PTPRN2: variants seen among roughly 807,000 people sequenced by gnomAD.
The protein encoded by PTPRN2 is protein tyrosine phosphatase receptor type N2.
In PTPRN2, 74 loss-of-function variants were observed where a neutral mutation model predicts 118.8. The ratio of observed to expected loss-of-function variants is 0.62; its 90% CI spans 0.52 to 0.76. The LOEUF (loss-of-function observed/expected upper bound fraction) is 0.76. Ranked by LOEUF, PTPRN2 falls within the 30% of genes least tolerant of loss-of-function variation. The pLI, the probability that PTPRN2 is intolerant of heterozygous loss-of-function variation, is 0.00. For synonymous variants in PTPRN2, 641 were observed against 608.0 expected (o/e 1.05, Z -0.80); for missense variants, 1,481 against 1,394.4 (o/e 1.06, Z -0.99).
chr7:157,543,793 G>A (rs532204521), intron 22 of PTPRN2, among the ~76,000 whole-genome samples: 2 of 152,334 alleles, frequency 1.3e-5, no homozygotes, highest in South Asian at 4.1e-4. Flanking sequence ...TCAAAAGGGG[G>A]TGAGGATGAC....
chr7:158,195,362 C>T (rs1345210858), intron 4 of PTPRN2, among the ~76,000 whole-genome samples: 1 of 152,010 alleles, frequency 6.6e-6, no homozygotes, highest in South Asian at 2.1e-4. Context: ...ACCTTTTTTT[C>T]CTCTGGCTGC....
At chr7:158,191,566 G>A (rs1297268935) in intron 5 of PTPRN2, among the ~76,000 whole-genome samples, 5 of 152,072 alleles carry the variant, frequency 3.3e-5, no homozygotes, top group Non-Finnish European at 7.4e-5. Context: ...TGTGAACTCT[G>A]GCCTAACAAG....
intron 9 of PTPRN2, among the ~76,000 whole-genome samples, chr7:158,112,660 C>T (rs549980750): frequency 6.6e-6 from 1 of 152,338 alleles, no homozygotes; most frequent in East Asian, 1.9e-4. Flanking sequence ...GACATGGGGA[C>T]CCCAGCAGGG....
At chr7:157,976,449 C>A (rs1802754161) in intron 11 of PTPRN2, among the ~76,000 whole-genome samples, 2 of 151,924 alleles carry the variant, frequency 1.3e-5, no homozygotes, top group South Asian at 2.1e-4. Context: ...GGGTTAAAAT[C>A]CAGATGCAAG....
At chr7:158,412,049 C>T (rs1192086712) in intron 2 of PTPRN2, among the ~76,000 whole-genome samples, 1 of 149,562 alleles carries the variant, frequency 6.7e-6, no homozygotes, top group Non-Finnish European at 1.5e-5. Flanking sequence ...ATCCAGTGCC[C>T]TCCTCAGCAC....
intron 3 of PTPRN2, among the ~76,000 whole-genome samples, chr7:158,296,302 A>G (rs1299565994): frequency 6.6e-6 from 1 of 152,140 alleles, no homozygotes; most frequent in Non-Finnish European, 1.5e-5. Context: ...GCACCAGCAG[A>G]CTAGGTAGTT....
At position 158,279,918 on chromosome 7, in the gene PTPRN2, G is replaced by T. The variant is rs556701210; in HGVS notation, c.277+36901C>A. 3.3e-5 allele frequency among the ~76,000 whole-genome samples: 5 copies of T among 152,256 alleles called. No individual in the cohort carries two copies. The East Asian group carries it at 9.7e-4, about 30-fold the overall frequency. On this transcript the variant is annotated intron_variant, in intron 3 of 22. Coordinates refer to ENST00000389418, the MANE Select transcript of PTPRN2 (RefSeq NM_002847.5). ...TGGACTTGACCCCACGGTGTGCCAGGTAAAATAAAGGTCTCCTTAGTTCCG... is the reference window on the plus strand; with the variant it reads ...TGGACTTGACCCCACGGTGTGCCAGTTAAAATAAAGGTCTCCTTAGTTCCG...
rs2151083490 is a variant in PTPRN2, at chr7:157,794,677, CACTT to C, written c.1788+103992_1788+103995del. Among the ~76,000 whole-genome samples the C allele has an allele frequency of 6.6e-6, 1 of 152,250 alleles. No individual in the cohort carries two copies. Among genetic ancestry groups the C allele is most frequent in the Admixed American group, 6.5e-5 (1 of 15,294 alleles). On this transcript the variant is annotated intron_variant, in intron 12 of 22. Coordinates refer to ENST00000389418, the MANE Select transcript of PTPRN2 (RefSeq NM_002847.5). The surrounding 1 kb of genome is among the most constrained non-coding windows in gnomAD (Gnocchi z 5.2). ...CTGTATTTTACATTTTTTATTGTGT[CACTT>C]ACTGCAAAGCAGCTCAAGGAGCCTG...
intron 3 of PTPRN2, among the ~76,000 whole-genome samples, chr7:158,253,335 G>C (rs1376952565): frequency 1.3e-5 from 2 of 152,210 alleles, no homozygotes; most frequent in East Asian, 1.9e-4. Flanking sequence ...ACAGCGGGCG[G>C]GGCTCTGCCC....
At chr7:158,575,113 A>G (rs911347530) in intron 1 of PTPRN2, among the ~76,000 whole-genome samples, 2 of 152,222 alleles carry the variant, frequency 1.3e-5, no homozygotes, top group Non-Finnish European at 2.9e-5. Flanking sequence ...ATATACCCAC[A>G]CATGGTAGAA....
intron 10 of PTPRN2, among the ~76,000 whole-genome samples, chr7:158,092,230 G>GTA (rs1313332437): frequency 1.3e-5 from 2 of 150,068 alleles, no homozygotes; most frequent in African/African-American, 2.5e-5. Context: ...ACACATATAT[G>GTA]TATATATATG....
intron 11 of PTPRN2, among the ~76,000 whole-genome samples, chr7:157,907,326 T>G (rs369888363): frequency 6.6e-5 from 10 of 152,094 alleles, no homozygotes; most frequent in Admixed American, 2.6e-4. Flanking sequence ...GTCCCGTGTG[T>G]GGGGTGTCCC....
At chr7:157,788,374 C>CAAAAAAAAAAAAAAAAAAAAA (rs749886375) in intron 12 of PTPRN2, among the ~76,000 whole-genome samples, 1 of 75,534 alleles carries the variant, frequency 1.3e-5, no homozygotes, top group African/African-American at 4.6e-5. Context: ...GACTCCATCT[C>CAAAAAAAAAAAAAAAAAAAAA]AAAAAAAAAA....
intron 3 of PTPRN2, among the ~76,000 whole-genome samples, chr7:158,245,284 CCATGCCAGAATCCGTGGT>C (rs931109911): frequency 6.9e-4 from 103 of 150,110 alleles, no homozygotes; most frequent in Middle Eastern, 3.4e-3. Context: ...GAACCCATGG[CCATGCCAGAATCCGTGGT>C]CATGCCAGAA....
At position 158,525,793 on chromosome 7, in the gene PTPRN2, CCT is replaced by C. The variant is rs950435632; in HGVS notation, c.113-36010_113-36009del. 6.6e-6 allele frequency among the ~76,000 whole-genome samples: 1 copy of C among 152,194 alleles called. No homozygotes were observed. Among genetic ancestry groups the C allele is most frequent in the Non-Finnish European group, 1.5e-5 (1 of 68,048 alleles). ...CTCCACGGCACCTGCTCCACAGCCA[CCT>C]CTCTCTGCTGTGCTCACACAGTGTG... On this transcript the variant is annotated intron_variant, in intron 1 of 22. Coordinates refer to ENST00000389418, the MANE Select transcript of PTPRN2 (RefSeq NM_002847.5). This position sits in a 1 kb window ranked among gnomAD's most constrained non-coding sequence, Gnocchi z 4.1.
chr7:157,645,307 C>A (rs768965128), intron 14 of PTPRN2, among the ~76,000 whole-genome samples: 6 of 152,188 alleles, frequency 3.9e-5, no homozygotes, highest in Non-Finnish European at 7.3e-5. Flanking sequence ...AAGTGAAAAC[C>A]ACTTGGATGC....
chr7:158,288,235 G>A (rs917484037), intron 3 of PTPRN2, among the ~76,000 whole-genome samples: 1 of 152,048 alleles, frequency 6.6e-6, no homozygotes, highest in African/African-American at 2.4e-5. Context: ...CTATTTTTCA[G>A]CCATTCAGCC....
intron 3 of PTPRN2, among the ~76,000 whole-genome samples, chr7:158,281,523 A>G (rs1393692518): frequency 1.3e-5 from 2 of 152,230 alleles, no homozygotes; most frequent in Non-Finnish European, 1.5e-5. Context: ...ACAGTCTGCT[A>G]TGAAGACACA....
At chr7:157,817,558 T>C (rs1806492275) in intron 12 of PTPRN2, among the ~76,000 whole-genome samples, 1 of 152,152 alleles carries the variant, frequency 6.6e-6, no homozygotes, top group South Asian at 2.1e-4. Flanking sequence ...AAGACCACAT[T>C]ACACCACATC....
Sources: gnomAD v4.1 joint callset for allele counts (sites outside exome capture counted in the v4.1 genomes callset) on GRCh38, gnomAD v4.1.1 for gene constraint, Gnocchi (gnomAD v3.1) non-coding constraint, MANE v1.5 for transcripts, NCBI Gene and HGNC (gene_info 2026-07-23, HGNC 2026-07-21) for gene names.